Variants in TMEM132D observed in about 807,000 individuals in gnomAD.
TMEM132D encodes mature OL transmembrane protein.
Under a neutral mutation model 62.3 loss-of-function variants are expected in TMEM132D, and 21 were observed. The ratio of observed to expected loss-of-function variants is 0.34; its 90% CI spans 0.24 to 0.49. TMEM132D has a LOEUF of 0.49. TMEM132D is among the 20% of genes least tolerant of loss of function. The pLI, the probability that TMEM132D is intolerant of heterozygous loss-of-function variation, is 0.99. For synonymous variants in TMEM132D, 621 were observed against 575.6 expected, an observed-to-expected ratio of 1.08 and a Z score of -1.13; for missense variants, 1,346 against 1,402.8, an observed-to-expected ratio of 0.96 and a Z score of 0.65.
intron 1 of TMEM132D, among the ~76,000 whole-genome samples, chr12:129,740,385 G>C (rs951633965): frequency 1.3e-5 from 2 of 152,016 alleles, no homozygotes; most frequent in African/African-American, 2.4e-5. Context: ...TATGGCCCAG[G>C]TACTGTTGCT....
chr12:129,621,675 C>G (rs1381558979), intron 2 of TMEM132D, among the ~76,000 whole-genome samples: 1 of 152,180 alleles, frequency 6.6e-6, no homozygotes, highest in African/African-American at 2.4e-5. Flanking sequence ...GTTAACTATT[C>G]CAACCATTAT....
intron 4 of TMEM132D, among the ~76,000 whole-genome samples, chr12:129,316,304 C>A (rs1868487038): frequency 6.6e-6 from 1 of 152,152 alleles, no homozygotes; most frequent in South Asian, 2.1e-4. Flanking sequence ...CTCCTCTTAG[C>A]ACTGCCTTTG....
chr12:129,231,050 G>A (rs540698593), intron 4 of TMEM132D, among the ~76,000 whole-genome samples: 5 of 152,286 alleles, frequency 3.3e-5, no homozygotes, highest in African/African-American at 7.2e-5. Flanking sequence ...CATAGCATTC[G>A]TCACTCTCAG....
intron 3 of TMEM132D, among the ~76,000 whole-genome samples, chr12:129,366,684 G>T (rs1006026926): frequency 6.6e-6 from 1 of 152,226 alleles, no homozygotes; most frequent in South Asian, 2.1e-4. Flanking sequence ...TGATTTGACA[G>T]GCATTAACTG....
At chr12:129,708,052 A>C (rs1390498762) in intron 1 of TMEM132D, among the ~76,000 whole-genome samples, 1 of 152,042 alleles carries the variant, frequency 6.6e-6, no homozygotes, top group Non-Finnish European at 1.5e-5. Context: ...GCCTGTCTCT[A>C]CTAAAAACAC....
chr12:129,469,818 A>G, intron 3 of TMEM132D, among the ~76,000 whole-genome samples: 1 of 152,338 alleles, frequency 6.6e-6, no homozygotes, highest in Non-Finnish European at 1.5e-5. Context: ...AGTGAAATAC[A>G]AAAAATATTT....
intron 4 of TMEM132D, among the ~76,000 whole-genome samples, chr12:129,295,549 G>A (rs1385725246): frequency 6.7e-6 from 1 of 149,402 alleles, no homozygotes; most frequent in Non-Finnish European, 1.5e-5. Flanking sequence ...TCCTGCCTCA[G>A]TCTCCCAAGT....
chr12:129,710,524 C>T (rs1459859196), intron 1 of TMEM132D, among the ~76,000 whole-genome samples: 2 of 152,022 alleles, frequency 1.3e-5, no homozygotes, highest in African/African-American at 2.4e-5. Flanking sequence ...CTCGAACTCC[C>T]GACCTCAGGT....
rs145436646 is a variant in TMEM132D, at chr12:129,109,414, A to G, written c.1444-24712T>C. ...GGGTGGTCTGAAGAGTAAATGAGTT[A>G]ATATAGATAAACTCCTTAGACTTTT... On this transcript the variant is annotated intron_variant, in intron 5 of 8. Transcript: ENST00000422113. 2.4e-3 allele frequency among the ~76,000 whole-genome samples: 373 copies of G among 152,308 alleles called. 1 individual carries two copies. Among genetic ancestry groups the G allele is most frequent in the African/African-American group, 8.8e-3 (365 of 41,568 alleles).
At chr12:129,585,903 G>A (rs570018505) in intron 2 of TMEM132D, among the ~76,000 whole-genome samples, 31 of 151,460 alleles carry the variant, frequency 2.0e-4, no homozygotes, top group African/African-American at 7.5e-4. Context: ...AGAGGAAAGC[G>A]AAAAATATTT....
intron 3 of TMEM132D, among the ~76,000 whole-genome samples, chr12:129,365,308 C>G (rs1165544576): frequency 6.6e-6 from 1 of 152,100 alleles, no homozygotes; most frequent in Non-Finnish European, 1.5e-5. Context: ...ATGTTTGAAG[C>G]CTGAGATAAA....
intron 1 of TMEM132D, among the ~76,000 whole-genome samples, chr12:129,860,684 G>A (rs948908151): frequency 6.6e-6 from 1 of 152,168 alleles, no homozygotes; most frequent in Non-Finnish European, 1.5e-5. Flanking sequence ...CCGAGACTGG[G>A]TAATATATAT....
chr12:129,098,065 T>G (rs1875171819), intron 5 of TMEM132D, among the ~76,000 whole-genome samples: 1 of 152,246 alleles, frequency 6.6e-6, no homozygotes, highest in African/African-American at 2.4e-5. Context: ...TTTAGTTCTG[T>G]GGCCCACTTT....
intron 2 of TMEM132D, among the ~76,000 whole-genome samples, chr12:129,582,122 T>C (rs117507968): frequency 0.013 from 1,913 of 152,312 alleles, 92 homozygotes; most frequent in South Asian, 0.089. Flanking sequence ...CGTCTGCTTT[T>C]TACATTGTGT....
At chr12:129,379,085 GA>G (rs769176288) in intron 3 of TMEM132D, among the ~76,000 whole-genome samples, 2 of 152,110 alleles carry the variant, frequency 1.3e-5, no homozygotes, top group Non-Finnish European at 2.9e-5. Flanking sequence ...TTATCCTGGG[GA>G]AAGTTCTCAT....
At chr12:129,874,819 G>T (rs891545566) in intron 1 of TMEM132D, among the ~76,000 whole-genome samples, 3 of 149,358 alleles carry the variant, frequency 2.0e-5, no homozygotes, top group African/African-American at 7.4e-5. Context: ...TCCTGCCTCA[G>T]CCTCCCGAAT....
At chr12:129,077,548 CACACACATACACACA>C (rs1472540796) in intron 8 of TMEM132D, among the ~76,000 whole-genome samples, 12 of 152,234 alleles carry the variant, frequency 7.9e-5, no homozygotes, top group Middle Eastern at 3.4e-3. Context: ...ACACATGCAT[CACACACATACACACA>C]ACACACATAC....
At chr12:129,264,363 T>C (rs979555146) in intron 4 of TMEM132D, among the ~76,000 whole-genome samples, 1 of 152,118 alleles carries the variant, frequency 6.6e-6, no homozygotes, top group South Asian at 2.1e-4. Flanking sequence ...CACTCCAGCC[T>C]GGGCGACAGA....
At chr12:129,590,440 G>C (rs1878156912) in intron 2 of TMEM132D, among the ~76,000 whole-genome samples, 1 of 152,130 alleles carries the variant, frequency 6.6e-6, no homozygotes, top group Non-Finnish European at 1.5e-5. Context: ...GCTCCCACAG[G>C]TATACTGTTA....
Sources: allele counts gnomAD v4.1 joint callset (sites outside exome capture counted in the v4.1 genomes callset), GRCh38; gene constraint gnomAD v4.1.1; transcripts MANE v1.5; gene names NCBI Gene and HGNC (gene_info 2026-07-23, HGNC 2026-07-21).